The following TM6SF1 variants were observed in gnomAD, a reference collection of about 807,000 sequenced individuals.
TM6SF1 encodes transmembrane 6 superfamily member 1.
A neutral mutation model predicts 47.1 loss-of-function variants in TM6SF1; 43 were observed. The observed-to-expected ratio is 0.91, with a 90% confidence interval of 0.72 to 1.18. TM6SF1 has a LOEUF of 1.18. Ranked by LOEUF, TM6SF1 falls within the 50% of genes most tolerant of loss-of-function variation. The pLI is 0.00. For synonymous variants in TM6SF1, 177 were observed against 166.3 expected (o/e 1.06, Z -0.49); for missense variants, 390 against 449.0 (o/e 0.87, Z 1.19).
At chr15:83,124,997 G>T (rs1377243448) in intron 7 of TM6SF1, among the ~76,000 whole-genome samples, 1 of 152,120 alleles carries the variant, frequency 6.6e-6, no homozygotes, top group Non-Finnish European at 1.5e-5. Context: ...GCTCTACTCA[G>T]AAGCATCTTC....
At chr15:83,108,572 A>C (rs111957400) in intron 1 of TM6SF1, among the ~76,000 whole-genome samples, 3 of 152,292 alleles carry the variant, frequency 2.0e-5, no homozygotes, top group African/African-American at 7.2e-5. Flanking sequence ...CACTGCAGGG[A>C]TCACGGACTA....
At chr15:83,108,435 G>A (rs2033864935) in intron 1 of TM6SF1, among the ~76,000 whole-genome samples, 1 of 151,980 alleles carries the variant, frequency 6.6e-6, no homozygotes, top group African/African-American at 2.4e-5. Flanking sequence ...ATGGAGAAGT[G>A]CTTCCCAGTG....
chr15:83,124,358 A>G (rs1280657123), intron 6 of TM6SF1, among the ~76,000 whole-genome samples: 1 of 152,192 alleles, frequency 6.6e-6, no homozygotes, highest in Non-Finnish European at 1.5e-5. Context: ...AACGGTTAAT[A>G]GTGGTGTGGC....
intron 2 of TM6SF1, chr15:83,113,112 G>A (rs1293674138): frequency 1.7e-6 from 1 of 581,450 alleles, no homozygotes; most frequent in Non-Finnish European, 3.1e-6. Flanking sequence ...CATCCCGGTG[G>A]AGAGTTACTG....
chr15:83,119,812 A>C, intron 4 of TM6SF1, 131 bp downstream of exon 4: 2 of 1,425,082 alleles, frequency 1.4e-6, no homozygotes, highest in Non-Finnish European at 1.9e-6. Flanking sequence ...CCATGGGTGC[A>C]CGTCAGACGT....
chr15:83,111,981 G>T (rs535057489), intron 1 of TM6SF1, among the ~76,000 whole-genome samples: 1 of 152,256 alleles, frequency 6.6e-6, no homozygotes, highest in East Asian at 1.9e-4. Context: ...CTTTCCTAGG[G>T]TGACACAGTT....
At chr15:83,125,954 G>T (rs1287947925) in intron 7 of TM6SF1, among the ~76,000 whole-genome samples, 1 of 152,206 alleles carries the variant, frequency 6.6e-6, no homozygotes, top group Non-Finnish European at 1.5e-5. Context: ...AGACCACAGG[G>T]CCACTGAAAC....
At chr15:83,126,917 G>A in intron 8 of TM6SF1, 70 bp downstream of exon 8, 5 of 1,268,992 alleles carry the variant, frequency 3.9e-6, no homozygotes, top group Admixed American at 1.8e-5. Flanking sequence ...TCCCAGCTGG[G>A]TGCGGTGGCT....
intron 9 of TM6SF1, chr15:83,133,713 TGA>T (rs1220286297): frequency 1.3e-5 from 2 of 152,236 alleles, no homozygotes; most frequent in African/African-American, 4.8e-5. Context: ...GGTCCTGCCA[TGA>T]GAGGCCTTGT....
chr15:83,124,537 C>A, intron 6 of TM6SF1, 135 bp from the exon 7 acceptor site: 1 of 649,548 alleles, frequency 1.5e-6, no homozygotes, highest in South Asian at 2.1e-5. Flanking sequence ...CCTAAAGTTC[C>A]ATGGCCAGTG....
intron 6 of TM6SF1, among the ~76,000 whole-genome samples, chr15:83,124,019 C>T (rs77662756): frequency 0.031 from 4,759 of 152,250 alleles, 107 homozygotes; most frequent in Middle Eastern, 0.051. Context: ...CACACAGATA[C>T]CACCAAAGAT....
rs1167033588 is a variant in TM6SF1 at position 83,122,888 on chromosome 15, T to G, written c.603+10T>G. 2 of 1,613,838 alleles carry G rather than the reference T, an allele frequency of 1.2e-6. No individual in the cohort carries two copies. The highest frequency in any genetic ancestry group is 1.7e-6 in the Non-Finnish European group (2 of 1,179,934). On this transcript the variant is annotated intron_variant, in intron 6 of 9. Transcript: ENST00000322019. The stretch of plus-strand genomic sequence containing the variant: ...TAATTACCCCTCAAAGGTGATTTTA[T>G]TAAGCTTTGATGTACCCTGTTCTCA...
intron 4 of TM6SF1, 95 bp downstream of exon 4, chr15:83,119,776 A>C (rs918421089): frequency 1.3e-6 from 2 of 1,573,370 alleles, no homozygotes; most frequent in African/African-American, 2.7e-5. Flanking sequence ...ATACACAAGC[A>C]GGTATACTGG....
At chr15:83,116,066 A>G (rs1048529350) in intron 3 of TM6SF1, 124 bp downstream of exon 3, 22 of 738,326 alleles carry the variant, frequency 3.0e-5, no homozygotes, top group South Asian at 1.7e-4. Context: ...TTCATTTCCT[A>G]TAATAGCCTT....
chr15:83,136,400 G>C, intron 9 of TM6SF1, 81 bp from the exon 10 acceptor site: 1 of 1,273,942 alleles, frequency 7.8e-7, no homozygotes, highest in Non-Finnish European at 1.1e-6. Context: ...AACGTAGCCT[G>C]AATGAACCAT....
chr15:83,127,818 T>C (rs566226727), intron 9 of TM6SF1: 2 of 269,974 alleles, frequency 7.4e-6, no homozygotes, highest in Admixed American at 5.8e-5. Context: ...AAAAAAGGAT[T>C]GAGAGCTGTC....
intron 6 of TM6SF1, among the ~76,000 whole-genome samples, chr15:83,124,279 TG>T: frequency 6.6e-6 from 1 of 152,292 alleles, no homozygotes; most frequent in East Asian, 1.9e-4. Context: ...TAGATATATG[TG>T]TGTGTATATA....
At chr15:83,128,681 TATAAA>T in intron 9 of TM6SF1, 1 of 152,304 alleles carries the variant, frequency 6.6e-6, no homozygotes, top group African/African-American at 2.4e-5. Flanking sequence ...AGATTTAATA[TATAAA>T]ATAGGACCTG....
intron 7 of TM6SF1, among the ~76,000 whole-genome samples, chr15:83,125,945 G>A (rs1034421868): frequency 6.6e-6 from 1 of 152,218 alleles, no homozygotes; most frequent in Non-Finnish European, 1.5e-5. Context: ...GCTTTGCTTA[G>A]ACCACAGGGC....
Sources: gnomAD v4.1 joint callset for allele counts (sites outside exome capture counted in the v4.1 genomes callset) on GRCh38, gnomAD v4.1.1 for gene constraint, MANE v1.5 for transcripts, NCBI Gene and HGNC (gene_info 2026-07-23, HGNC 2026-07-21) for gene names.